Variants in RIN3 observed in about 807,000 individuals in gnomAD.
RIN3 encodes the protein Ras and Rab interactor 3.
Under a neutral mutation model 76.3 loss-of-function variants are expected in RIN3, and 54 were observed. The ratio of observed to expected loss-of-function variants is 0.71; its 90% CI spans 0.57 to 0.89. The LOEUF is 0.89. Among genes scored for constraint, RIN3 ranks in the 40% least tolerant of loss-of-function variants. RIN3 has a pLI of 0.00. For missense variants in RIN3, 1,256 were observed against 1,322.1 expected (o/e 0.95, Z 0.78); for synonymous variants, 576 against 564.0 (o/e 1.02, Z -0.30).
chr14:92,606,950 G>A (rs971141429), intron 3 of RIN3, among the ~76,000 whole-genome samples: 1 of 152,220 alleles, frequency 6.6e-6, no homozygotes, highest in Non-Finnish European at 1.5e-5. Context: ...AATGTTCACA[G>A]CAGCATTACT....
intron 2 of RIN3, among the ~76,000 whole-genome samples, chr14:92,558,226 G>C (rs1011287016): frequency 2.6e-5 from 4 of 152,170 alleles, no homozygotes; most frequent in Non-Finnish European, 4.4e-5. Flanking sequence ...GTGTGCACTT[G>C]TAATCCCAGC....
intron 8 of RIN3, among the ~76,000 whole-genome samples, chr14:92,678,445 C>T (rs1888551692): frequency 6.6e-6 from 1 of 150,648 alleles, no homozygotes. Context: ...ATCCACATAT[C>T]CATATACCCA....
chr14:92,652,819 G>A lies in RIN3; in HGVS notation c.1770G>A (p.Met590Ile). 6.2e-7 allele frequency: 1 copy of A among 1,614,094 alleles called. No homozygotes were observed. Residue 590 changes from methionine to isoleucine, a missense_variant, in exon 6 of 10, where the codon ATG (methionine) becomes ATA (isoleucine). Met to Ile is a conservative substitution (Grantham distance 10). Transcript: ENST00000216487. This position sits in a 1 kb window ranked among gnomAD's most constrained non-coding sequence, Gnocchi z 6.4. Reference sequence around the variant, plus strand: ...TGAGCTTTGCCAGTTTCAGCAGCATGTTCCACGCTTTCCTCTCCAACAACC... The same window carrying A: ...TGAGCTTTGCCAGTTTCAGCAGCATATTCCACGCTTTCCTCTCCAACAACC... ...HRLSFASFSS[M>I]FHAFLSNNRK...
chr14:92,604,548 G>A (rs539212316), intron 3 of RIN3, among the ~76,000 whole-genome samples: 8 of 152,028 alleles, frequency 5.3e-5, no homozygotes, highest in Non-Finnish European at 1.2e-4. Flanking sequence ...CCTCCGAAAG[G>A]TCAGAAACTC....
intron 4 of RIN3, among the ~76,000 whole-genome samples, chr14:92,629,475 T>TA (rs757688631): frequency 5.3e-5 from 8 of 152,366 alleles, no homozygotes; most frequent in East Asian, 3.9e-4. Flanking sequence ...TTCCATTGGT[T>TA]ACTTGGGGTA....
chr14:92,580,399 C>A (rs1238073451), intron 3 of RIN3, among the ~76,000 whole-genome samples: 1 of 152,252 alleles, frequency 6.6e-6, no homozygotes, highest in Non-Finnish European at 1.5e-5. Context: ...CCCACACATT[C>A]ATGTGTTCAG....
At chr14:92,635,139 A>T (rs986571754) in intron 4 of RIN3, among the ~76,000 whole-genome samples, 1 of 152,188 alleles carries the variant, frequency 6.6e-6, no homozygotes, top group East Asian at 1.9e-4. Flanking sequence ...AGGACTCGGC[A>T]TTTGGAGATG....
chr14:92,626,278 T>G (rs1329614691), intron 4 of RIN3, among the ~76,000 whole-genome samples: 3 of 152,192 alleles, frequency 2.0e-5, no homozygotes, highest in Admixed American at 6.5e-5. Flanking sequence ...CATTCCCAAA[T>G]TGTCATAGCA....
At chr14:92,572,211 T>C (rs991995533) in intron 2 of RIN3, among the ~76,000 whole-genome samples, 1 of 152,208 alleles carries the variant, frequency 6.6e-6, no homozygotes, top group Non-Finnish European at 1.5e-5. Context: ...TGGGGTGGGC[T>C]GTCTGCATGC....
chr14:92,525,751 A>G (rs2139997904), intron 1 of RIN3, among the ~76,000 whole-genome samples: 1 of 152,232 alleles, frequency 6.6e-6, no homozygotes, highest in South Asian at 2.1e-4. Context: ...CAGGCCCTGG[A>G]GCCCCGCTGT....
At chr14:92,537,851 T>A (rs917900889) in intron 1 of RIN3, among the ~76,000 whole-genome samples, 6 of 151,258 alleles carry the variant, frequency 4.0e-5, no homozygotes, top group Non-Finnish European at 8.8e-5. Flanking sequence ...ATTTTTTTTT[T>A]TTTGAGACGG....
intron 8 of RIN3, among the ~76,000 whole-genome samples, chr14:92,676,915 A>G (rs1030372597): frequency 2.0e-5 from 3 of 152,138 alleles, no homozygotes; most frequent in African/African-American, 7.2e-5. Context: ...GGAGGAGGTG[A>G]CATCTGAGCT....
At chr14:92,573,286 G>A (rs1186713075) in intron 2 of RIN3, among the ~76,000 whole-genome samples, 1 of 152,182 alleles carries the variant, frequency 6.6e-6, no homozygotes, top group Non-Finnish European at 1.5e-5. Flanking sequence ...AACAAAATAA[G>A]GGGGTGAGGA....
At chr14:92,621,722 A>G (rs1459485739) in intron 4 of RIN3, among the ~76,000 whole-genome samples, 1 of 152,230 alleles carries the variant, frequency 6.6e-6, no homozygotes, top group Non-Finnish European at 1.5e-5. Context: ...TCGAAAACAA[A>G]TGTTTCCTAT....
At chr14:92,585,498 C>T (rs1029914107) in intron 3 of RIN3, among the ~76,000 whole-genome samples, 1 of 152,204 alleles carries the variant, frequency 6.6e-6, no homozygotes, top group Non-Finnish European at 1.5e-5. Context: ...TACATTTGCC[C>T]ATGACATGGG....
chr14:92,617,617 G>T lies in RIN3; in HGVS notation c.440+2138G>T, dbSNP rs1030451963. Among the ~76,000 whole-genome samples, 4 of 152,174 alleles carry T rather than the reference G, an allele frequency of 2.6e-5. No individual in the cohort carries two copies. In the South Asian group the frequency reaches 8.3e-4, roughly 32 times the overall value. On this transcript the variant is annotated intron_variant, in intron 4 of 9. Transcript: ENST00000216487. Reference sequence around the variant, plus strand: ...GAAACTATCACTATGACTATTGGGAGGATAATAGTAAGAAATTGGAGTATG... The same window carrying T: ...GAAACTATCACTATGACTATTGGGATGATAATAGTAAGAAATTGGAGTATG...
chr14:92,660,183 C>T lies in RIN3; in HGVS notation c.2335+714C>T, dbSNP rs147805133. Among the ~76,000 whole-genome samples the T allele has an allele frequency of 3.7e-3, 564 of 152,338 alleles. 3 individuals carry two copies. Among genetic ancestry groups the T allele is most frequent in the Middle Eastern group, 0.02 (6 of 294 alleles). On this transcript the variant is annotated intron_variant, in intron 7 of 9. Transcript: ENST00000216487. ...CCTTAAACAATTAGCATTGATTTGA[C>T]GTGTAAGTCCATGGGGCATGGACAA...
intron 3 of RIN3, among the ~76,000 whole-genome samples, chr14:92,596,368 A>G (rs1429003081): frequency 6.6e-6 from 1 of 152,172 alleles, no homozygotes; most frequent in Non-Finnish European, 1.5e-5. Flanking sequence ...TCATAACGCT[A>G]TGAAACAGGT....
intron 3 of RIN3, among the ~76,000 whole-genome samples, chr14:92,610,428 A>G (rs1054704106): frequency 6.6e-6 from 1 of 151,898 alleles, no homozygotes; most frequent in African/African-American, 2.4e-5. Flanking sequence ...CTTTCGCCCA[A>G]CTGTTCTTTA....
Sources: gnomAD v4.1 joint callset for allele counts (sites outside exome capture counted in the v4.1 genomes callset) on GRCh38, gnomAD v4.1.1 for gene constraint, Gnocchi (gnomAD v3.1) non-coding constraint, MANE v1.5 for transcripts, NCBI Gene and HGNC (gene_info 2026-07-23, HGNC 2026-07-21) for gene names.